Variants in MAP2K1 observed in about 807,000 individuals in gnomAD.
MAP2K1 encodes dual specificity mitogen-activated protein kinase kinase 1.
MAP2K1 carries 16 observed loss-of-function variants against 46.3 expected under a neutral mutation model. That is an observed-to-expected ratio of 0.35 (90% confidence interval 0.23 to 0.52). MAP2K1 has a LOEUF of 0.52. Among genes scored for constraint, MAP2K1 ranks in the 20% least tolerant of loss-of-function variants. MAP2K1 has a pLI of 0.94. For synonymous variants in MAP2K1, 183 were observed against 185.6 expected (o/e 0.99, Z 0.11); for missense variants, 263 against 497.1 (o/e 0.53, Z 4.48).
At position 66,481,884 on chromosome 15, in the gene MAP2K1, G is replaced by A. The variant is rs2140668471; in HGVS notation, c.693+5G>A. 1 of 1,613,488 alleles carries A rather than the reference G, an allele frequency of 6.2e-7. No individual in the cohort carries two copies. The highest frequency in any genetic ancestry group is 8.5e-7 in the Non-Finnish European group (1 of 1,179,574). ...GGCACAAGGTCCTACATGTCGGTAT[G>A]AACAGAAGTTTCCATTGCTTGAGCT... On this transcript the variant is annotated splice_donor_5th_base_variant and intron_variant, in intron 6 of 10. Coordinates refer to ENST00000307102, the MANE Select transcript of MAP2K1 (RefSeq NM_002755.4).
intron 6 of MAP2K1, 88 bp downstream of exon 6, chr15:66,481,967 T>C: frequency 6.6e-7 from 1 of 1,509,520 alleles, no homozygotes; most frequent in Non-Finnish European, 9.0e-7. Flanking sequence ...GCCAGAGTCT[T>C]GTGCTGGGTA....
At chr15:66,420,703 T>C (rs199903460) in intron 1 of MAP2K1, among the ~76,000 whole-genome samples, 1 of 23,902 alleles carries the variant, frequency 4.2e-5, no homozygotes, top group East Asian at 1.9e-3. Context: ...TACTTACTCT[T>C]GGCATATATA....
intron 1 of MAP2K1, among the ~76,000 whole-genome samples, chr15:66,412,467 C>G (rs1030355480): frequency 2.0e-5 from 3 of 152,158 alleles, no homozygotes; most frequent in East Asian, 3.8e-4. Context: ...CTCTTCTAGT[C>G]AAGGAAGCCA....
intron 1 of MAP2K1, among the ~76,000 whole-genome samples, chr15:66,424,102 T>G (rs7171596): frequency 0.9 from 136,800 of 151,376 alleles, 63,409 homozygotes; most frequent in East Asian, 1. Context: ...TTGTTGCCCA[T>G]GCTGGAGTGC....
chr15:66,490,213 CTT>C, intron 10 of MAP2K1: 1 of 564,590 alleles, frequency 1.8e-6, no homozygotes, highest in Non-Finnish European at 3.2e-6. Context: ...CCATCATTTT[CTT>C]TGTCCCTTCT....
chr15:66,401,885 G>A, intron 1 of MAP2K1: 1 of 868,830 alleles, frequency 1.2e-6, no homozygotes, highest in Non-Finnish European at 1.7e-6. Flanking sequence ...GTGCAGAGAA[G>A]CCAGCAAGTA....
At chr15:66,469,472 CTT>C (rs370379739) in intron 5 of MAP2K1, among the ~76,000 whole-genome samples, 3,999 of 75,982 alleles carry the variant, frequency 0.053, 16 homozygotes, top group Middle Eastern at 0.11. Flanking sequence ...CTGGTGCCTC[CTT>C]TTTTTTTTTT....
chr15:66,435,286 T>A (rs2140580427), intron 2 of MAP2K1, 49 bp downstream of exon 2: 2 of 1,456,454 alleles, frequency 1.4e-6, no homozygotes, highest in Non-Finnish European at 1.9e-6. Flanking sequence ...TCAGGGTACT[T>A]AGAAGCCTGG....
At chr15:66,488,421 T>C (rs1291970979) in intron 8 of MAP2K1, among the ~76,000 whole-genome samples, 2 of 152,190 alleles carry the variant, frequency 1.3e-5, no homozygotes, top group East Asian at 3.9e-4. Flanking sequence ...AACGAGATTT[T>C]GGGCTGTACA....
At chr15:66,426,896 G>A (rs2093460535) in intron 1 of MAP2K1, among the ~76,000 whole-genome samples, 1 of 152,192 alleles carries the variant, frequency 6.6e-6, no homozygotes, top group Non-Finnish European at 1.5e-5. Flanking sequence ...TAAATACCAA[G>A]GCTGTGCTTT....
intron 5 of MAP2K1, among the ~76,000 whole-genome samples, chr15:66,462,481 A>G (rs1225277836): frequency 7.2e-6 from 1 of 139,540 alleles, no homozygotes; most frequent in African/African-American, 2.9e-5. Context: ...TGGGCGACAG[A>G]GCAAGACTCT....
At chr15:66,457,058 G>A (rs1293532530) in intron 5 of MAP2K1, among the ~76,000 whole-genome samples, 3 of 152,188 alleles carry the variant, frequency 2.0e-5, no homozygotes, top group African/African-American at 7.2e-5. Flanking sequence ...TGTATGGCCT[G>A]CAAGCTAAGA....
intron 5 of MAP2K1, among the ~76,000 whole-genome samples, chr15:66,449,970 A>C (rs1270019587): frequency 1.4e-5 from 2 of 145,964 alleles, no homozygotes; most frequent in Non-Finnish European, 3.0e-5. Context: ...CCTGGGATGC[A>C]AGGCTGGTTC....
At chr15:66,465,004 C>T (rs938428995) in intron 5 of MAP2K1, among the ~76,000 whole-genome samples, 50 of 151,130 alleles carry the variant, frequency 3.3e-4, no homozygotes, top group African/African-American at 1.2e-3. Context: ...GGGTGGATTA[C>T]CTGAGGTCAG....
intron 4 of MAP2K1, 29 bp downstream of exon 4, chr15:66,443,386 A>C (rs1473099881): frequency 5.9e-6 from 8 of 1,349,732 alleles, no homozygotes; most frequent in Middle Eastern, 3.6e-4. Context: ...TTTTCTTCTA[A>C]GTTCCTCATT....
At chr15:66,481,490 C>T (rs553454926) in intron 5 of MAP2K1, among the ~76,000 whole-genome samples, 18 of 152,330 alleles carry the variant, frequency 1.2e-4, no homozygotes, top group African/African-American at 4.1e-4. Flanking sequence ...CTGGCCAAGT[C>T]TGCATTCTTA....
rs549867814 is a variant in MAP2K1, at chr15:66,472,946, C to T, written c.569-8809C>T. ...CCTATCTTCTTTTGTCATTGTTTAA[C>T]ACCCACCTCACTACCTCCCACCTCT... On this transcript the variant is annotated intron_variant, in intron 5 of 10. Coordinates refer to ENST00000307102, the MANE Select transcript of MAP2K1 (RefSeq NM_002755.4). Among the ~76,000 whole-genome samples, 5 of 152,312 alleles carry T rather than the reference C, an allele frequency of 3.3e-5. No homozygotes were observed. In the East Asian group the frequency reaches 9.6e-4, roughly 29 times the overall value.
rs1164509967 is a variant in MAP2K1 at position 66,432,959 on chromosome 15, AGTGTGT to A, written c.81-2031_81-2026del. On this transcript the variant is annotated intron_variant, in intron 1 of 10. Transcript: ENST00000307102. Reference sequence around the variant, plus strand: ...CTCCTTCCATTCCCCCATCATGCACAGTGTGTGTGTGTGTGTGTGTGTGTGTGTGTG... The same window carrying A: ...CTCCTTCCATTCCCCCATCATGCACAGTGTGTGTGTGTGTGTGTGTGTGTG... Among the ~76,000 whole-genome samples, 876 of 131,988 alleles carry A rather than the reference AGTGTGT, an allele frequency of 6.6e-3. 8 individuals are homozygous for A. Among genetic ancestry groups the A allele is most frequent in the African/African-American group, 0.021 (733 of 35,462 alleles). 86.6% of individuals were successfully genotyped at this position (131,988 alleles called of 152,430 possible).
At chr15:66,417,560 A>G (rs575765678) in intron 1 of MAP2K1, among the ~76,000 whole-genome samples, 1 of 152,262 alleles carries the variant, frequency 6.6e-6, no homozygotes, top group East Asian at 1.9e-4. Flanking sequence ...GCGCAACAAA[A>G]TGAGACCCTG....
Sources: gnomAD v4.1 joint callset for allele counts (sites outside exome capture counted in the v4.1 genomes callset) on GRCh38, gnomAD v4.1.1 for gene constraint, MANE v1.5 for transcripts, NCBI Gene and HGNC (gene_info 2026-07-23, HGNC 2026-07-21) for gene names.